ATF2: variants seen among roughly 807,000 people sequenced by gnomAD.
ATF2 encodes activating transcription factor 2.
Under a neutral mutation model 60.6 loss-of-function variants are expected in ATF2, and 24 were observed. The ratio of observed to expected loss-of-function variants is 0.40; its 90% CI spans 0.29 to 0.56. ATF2 has a LOEUF of 0.56. Ranked by LOEUF, ATF2 falls within the 20% of genes least tolerant of loss-of-function variation. The pLI, the probability that ATF2 is intolerant of heterozygous loss-of-function variation, is 0.54. For synonymous variants in ATF2, 206 were observed against 215.4 expected, an observed-to-expected ratio of 0.96 and a Z score of 0.38; for missense variants, 433 against 607.7, an observed-to-expected ratio of 0.71 and a Z score of 3.02.
intron 1 of ATF2, chr2:175,167,493 C>G (rs1700439412): frequency 2.5e-6 from 1 of 408,032 alleles, no homozygotes; most frequent in African/African-American, 2.1e-5. Context: ...TCAAGCTGCA[C>G]CGCAGCCAGG....
At chr2:175,114,473 T>G in intron 8 of ATF2, 3 of 1,267,552 alleles carry the variant, frequency 2.4e-6, no homozygotes, top group Non-Finnish European at 3.0e-6. Flanking sequence ...TATCTTAAAT[T>G]CACATTCTAT....
intron 1 of ATF2, among the ~76,000 whole-genome samples, chr2:175,157,538 G>T (rs538934696): frequency 1.0e-3 from 158 of 152,320 alleles, no homozygotes; most frequent in Non-Finnish European, 1.8e-3. Context: ...CAGCCAATAT[G>T]TTCACCACTA....
At chr2:175,082,765 T>A (rs1040056533) in intron 12 of ATF2, among the ~76,000 whole-genome samples, 5 of 152,208 alleles carry the variant, frequency 3.3e-5, no homozygotes, top group Admixed American at 6.5e-5. Flanking sequence ...TTGTCTTGAC[T>A]TACAAAAGTA....
chr2:175,135,726 C>A (rs1256574421), intron 3 of ATF2, among the ~76,000 whole-genome samples: 1 of 152,136 alleles, frequency 6.6e-6, no homozygotes, highest in Non-Finnish European at 1.5e-5. Context: ...TGCAAAAAGA[C>A]ATCTCTGAGT....
chr2:175,118,444 A>T, intron 5 of ATF2, 75 bp from the exon 6 acceptor site: 1 of 1,224,726 alleles, frequency 8.2e-7, no homozygotes, highest in Non-Finnish European at 1.2e-6. Context: ...CTAAGTTAAC[A>T]AATTAGCAGG....
At chr2:175,139,803 T>C (rs928159211) in intron 2 of ATF2, among the ~76,000 whole-genome samples, 40 of 152,148 alleles carry the variant, frequency 2.6e-4, no homozygotes, top group African/African-American at 9.4e-4. Flanking sequence ...GTTCAAATAT[T>C]ATGAAAAATC....
chr2:175,124,281 T>C (rs1289452039), intron 4 of ATF2, among the ~76,000 whole-genome samples: 1 of 29,062 alleles, frequency 3.4e-5, no homozygotes, highest in Non-Finnish European at 8.6e-5. Context: ...ATGGAAAAAG[T>C]GAAAAAAAAA....
chr2:175,089,978 CATA>C (rs947633827), intron 12 of ATF2, among the ~76,000 whole-genome samples: 5 of 152,052 alleles, frequency 3.3e-5, no homozygotes, highest in African/African-American at 9.7e-5. Flanking sequence ...CTTTATTAAG[CATA>C]ATAATAATGC....
chr2:175,146,114 A>G (rs960233374), intron 2 of ATF2, among the ~76,000 whole-genome samples: 2 of 152,220 alleles, frequency 1.3e-5, no homozygotes, highest in African/African-American at 4.8e-5. Context: ...CATCACTTCT[A>G]TAATAGTCAT....
chr2:175,085,868 C>T (rs557639538), intron 12 of ATF2, among the ~76,000 whole-genome samples: 3 of 151,846 alleles, frequency 2.0e-5, no homozygotes, highest in Non-Finnish European at 2.9e-5. Context: ...ATGGAAAAGG[C>T]CAAGAAGAAG....
intron 2 of ATF2, among the ~76,000 whole-genome samples, chr2:175,142,718 AGAGTGTGTGTGTGTGT>A (rs1698650389): frequency 1.8e-5 from 2 of 113,362 alleles, no homozygotes; most frequent in African/African-American, 3.7e-5. Context: ...AGAGAGAGAG[AGAGTGTGTGTGTGTGT>A]GTGTGTGTGT....
intron 10 of ATF2, among the ~76,000 whole-genome samples, chr2:175,109,799 C>G (rs569659400): frequency 1.3e-5 from 2 of 152,280 alleles, no homozygotes; most frequent in South Asian, 4.1e-4. Context: ...CCTGGTGAAG[C>G]TCTTCTGCTA....
intron 11 of ATF2, among the ~76,000 whole-genome samples, chr2:175,093,953 C>T (rs1454874489): frequency 2.0e-5 from 3 of 152,260 alleles, no homozygotes; most frequent in Non-Finnish European, 2.9e-5. Flanking sequence ...AATGAATCAG[C>T]TTGGTTATCT....
rs568194111 is a variant in ATF2, at chr2:175,105,875, C to T, written c.828+5693G>A. Among the ~76,000 whole-genome samples, 18 of 152,144 alleles carry T rather than the reference C, an allele frequency of 1.2e-4. No homozygotes were observed. The South Asian group carries it at 2.9e-3, about 25-fold the overall frequency. On this transcript the variant is annotated intron_variant, in intron 10 of 13. Transcript: ENST00000264110. ...AGCCTTGAAATATTTGGAAATTATA[C>T]AGTGCACTTCTAAATAACTCACAGG...
intron 1 of ATF2, among the ~76,000 whole-genome samples, chr2:175,164,158 T>C (rs759837339): frequency 1.3e-5 from 2 of 149,310 alleles, no homozygotes; most frequent in Non-Finnish European, 3.0e-5. Context: ...TCTCAACAAA[T>C]TGAAAAGACA....
chr2:175,165,280 G>C (rs1030569142), intron 1 of ATF2, among the ~76,000 whole-genome samples: 1 of 152,132 alleles, frequency 6.6e-6, no homozygotes, highest in Non-Finnish European at 1.5e-5. Context: ...TCATAAGGGA[G>C]ACTTCAACTA....
In ATF2 at chr2:175,073,079, GA is replaced by G. The variant is rs528335240; in HGVS notation, c.*1529del. On this transcript the variant is annotated 3_prime_UTR_variant, in exon 14 of 14. Coordinates refer to ENST00000264110, the MANE Select transcript of ATF2 (RefSeq NM_001880.4). ...ATGCATTACAGATATTTACATAGTG[GA>G]ATCCTGCTTGAATGCCAGAAGTTGC... 5.9e-5 allele frequency: 9 copies of G among 152,196 alleles called. No homozygotes were observed. The South Asian group carries it at 1.9e-3, about 32-fold the overall frequency. The allele number at this position is 152,196 out of a possible 1,614,324, so 9.4% of individuals were successfully genotyped here.
intron 9 of ATF2, among the ~76,000 whole-genome samples, chr2:175,113,269 CTT>C (rs766911911): frequency 4.8e-4 from 69 of 142,820 alleles, no homozygotes; most frequent in Admixed American, 4.9e-4. Flanking sequence ...TAAACTATTA[CTT>C]TTTTTTTTTT....
intron 10 of ATF2, among the ~76,000 whole-genome samples, chr2:175,105,002 G>A (rs1290041079): frequency 6.6e-6 from 1 of 152,198 alleles, no homozygotes; most frequent in South Asian, 2.1e-4. Context: ...AATAATTAAT[G>A]AATATTTAAG....
Sources: gnomAD v4.1 joint callset for allele counts (sites outside exome capture counted in the v4.1 genomes callset) on GRCh38, gnomAD v4.1.1 for gene constraint, MANE v1.5 for transcripts, NCBI Gene and HGNC (gene_info 2026-07-23, HGNC 2026-07-21) for gene names.